The following EVC2 variants were observed in gnomAD, a reference collection of about 807,000 sequenced individuals.
EVC2 encodes the protein limbin.
A neutral mutation model predicts 149.3 loss-of-function variants in EVC2; 148 were observed. The observed-to-expected ratio is 0.99, with a 90% CI of 0.87 to 1.14. The LOEUF is 1.14. EVC2 is among the 50% of genes most tolerant of loss of function. The pLI is 0.00. For missense variants in EVC2, 1,854 were observed against 1,627.3 expected, an observed-to-expected ratio of 1.14 and a Z score of -2.40; for synonymous variants, 776 against 649.9, an observed-to-expected ratio of 1.19 and a Z score of -2.95.
chr4:5,568,314 TAA>T, intron 20 of EVC2, 128 bp downstream of exon 20: 1 of 976,604 alleles, frequency 1.0e-6, no homozygotes, highest in Non-Finnish European at 1.5e-6. Flanking sequence ...AGATTCTATT[TAA>T]AAAATAAATT....
chr4:5,601,908 C>G (rs1397252929), intron 16 of EVC2, among the ~76,000 whole-genome samples: 1 of 152,072 alleles, frequency 6.6e-6, no homozygotes, highest in Non-Finnish European at 1.5e-5. Context: ...GAGATGTACC[C>G]TGAAAGATGG....
At chr4:5,536,581 G>C in the EVC2 span, among the ~76,000 whole-genome samples, 1 of 152,064 alleles carries the variant, frequency 6.6e-6, no homozygotes, top group African/African-American at 2.4e-5. Flanking sequence ...TCAGGAGATC[G>C]AGACCATCTT....
At chr4:5,658,859 GGCTGGA>G (rs1163448055) in intron 9 of EVC2, among the ~76,000 whole-genome samples, 184 of 152,304 alleles carry the variant, frequency 1.2e-3, no homozygotes, top group Non-Finnish European at 3.4e-4. Context: ...CCCAGAGTAA[GGCTGGA>G]GCTAAAACAT....
In EVC2 at chr4:5,562,607, G is replaced by A; in HGVS notation, c.*241C>T. ...TGGGGGTCTCCTCCAGGGCCCTGGG[G>A]AGGTGGGGCTGAAAGAAGGAGTGTT... On this transcript the variant is annotated 3_prime_UTR_variant, in exon 22 of 22. Transcript: ENST00000344408. This position sits in a 1 kb window ranked among gnomAD's most constrained non-coding sequence, Gnocchi z 4.3. 1 of 1,395,014 alleles carries A rather than the reference G, an allele frequency of 7.2e-7. No homozygotes were observed. Among genetic ancestry groups the A allele is most frequent in the Non-Finnish European group, 9.3e-7 (1 of 1,075,522 alleles). 86.4% of individuals were successfully genotyped at this position (1,395,014 alleles called of 1,614,324 possible). A position where few individuals can be genotyped will look rare whatever the true frequency, so the allele number is the denominator to read the frequency against.
At chr4:5,615,892 T>C (rs922838929) in intron 15 of EVC2, among the ~76,000 whole-genome samples, 1 of 152,180 alleles carries the variant, frequency 6.6e-6, no homozygotes, top group Admixed American at 6.5e-5. Flanking sequence ...GGGGACGCTA[T>C]GAATGAGGTC....
downstream of EVC2, among the ~76,000 whole-genome samples, chr4:5,537,785 T>G (rs183564754): frequency 8.5e-5 from 13 of 152,260 alleles, no homozygotes; most frequent in Admixed American, 3.9e-4. Flanking sequence ...TGGATGTCAC[T>G]AACACATTTA....
In EVC2 at chr4:5,631,442, C is replaced by A. The variant is rs73198177; in HGVS notation, c.1710+351G>T. On this transcript the variant is annotated intron_variant, in intron 11 of 21. Transcript: ENST00000344408. ...TGTTATGCCAAGCACTAACTTTCCACGAGTCAGCTCATCAAATTTCCATCA... is the reference window on the plus strand; with the variant it reads ...TGTTATGCCAAGCACTAACTTTCCAAGAGTCAGCTCATCAAATTTCCATCA... 3.8e-3 allele frequency among the ~76,000 whole-genome samples: 572 copies of A among 152,274 alleles called. 3 individuals carry two copies. The highest frequency in any genetic ancestry group is 6.7e-3 in the Non-Finnish European group (453 of 68,016).
At chr4:5,621,072 G>A (rs1715651249) in intron 14 of EVC2, among the ~76,000 whole-genome samples, 1 of 152,196 alleles carries the variant, frequency 6.6e-6, no homozygotes, top group Non-Finnish European at 1.5e-5. Flanking sequence ...AGAGAGAGAT[G>A]GGAAAGGGCC....
intron 9 of EVC2, among the ~76,000 whole-genome samples, chr4:5,653,032 C>T (rs980379731): frequency 6.6e-5 from 10 of 152,162 alleles, no homozygotes; most frequent in Non-Finnish European, 7.3e-5. Context: ...CATGCCAGCT[C>T]GGTGTTGCCA....
intron 14 of EVC2, among the ~76,000 whole-genome samples, chr4:5,620,360 G>A (rs1461294613): frequency 6.6e-6 from 1 of 152,178 alleles, no homozygotes; most frequent in Non-Finnish European, 1.5e-5. Flanking sequence ...TAAGTGCCAA[G>A]AGAATACAGA....
At chr4:5,661,305 C>T (rs1718859411) in intron 9 of EVC2, among the ~76,000 whole-genome samples, 1 of 152,114 alleles carries the variant, frequency 6.6e-6, no homozygotes, top group Non-Finnish European at 1.5e-5. Context: ...AAATGAAGCC[C>T]AGCTTTGAAT....
chr4:5,669,215 A>C (rs1719474003), intron 7 of EVC2, among the ~76,000 whole-genome samples: 2 of 152,206 alleles, frequency 1.3e-5, no homozygotes. Context: ...GAGAAAATTA[A>C]ATTGTTGTAT....
In EVC2 at chr4:5,625,307, T is replaced by TACACACACACACAC. The variant is rs71171407; in HGVS notation, c.2046+428_2046+441dup. Among the ~76,000 whole-genome samples, 2 of 139,792 alleles carry TACACACACACACAC rather than the reference T, an allele frequency of 1.4e-5. No individual in the cohort carries two copies. The highest frequency in any genetic ancestry group is 3.2e-5 in the Non-Finnish European group (2 of 63,274). 91.7% of individuals were successfully genotyped at this position (139,792 alleles called of 152,430 possible). On this transcript the variant is annotated intron_variant, in intron 13 of 21. Transcript: ENST00000344408. This position sits in a 1 kb window ranked among gnomAD's most constrained non-coding sequence, Gnocchi z 4.0. ...CTTACTAGATATTTGACCTTGACCATACACACACACACACACACACACACA... is the reference window on the plus strand; with the variant it reads ...CTTACTAGATATTTGACCTTGACCATACACACACACACACACACACACACACACACACACACACA...
At chr4:5,594,526 G>C (rs958022912) in intron 16 of EVC2, among the ~76,000 whole-genome samples, 1 of 152,108 alleles carries the variant, frequency 6.6e-6, no homozygotes. Context: ...TCTGTTAGAA[G>C]GAAAACTAAC....
intron 13 of EVC2, among the ~76,000 whole-genome samples, chr4:5,623,891 TA>T (rs1715918497): frequency 6.6e-6 from 1 of 152,184 alleles, no homozygotes; most frequent in African/African-American, 2.4e-5. Flanking sequence ...GCGAGTTACT[TA>T]ATACACATAC....
At chr4:5,529,665 T>C in the EVC2 span, among the ~76,000 whole-genome samples, 1 of 152,190 alleles carries the variant, frequency 6.6e-6, no homozygotes, top group Non-Finnish European at 1.5e-5. This position sits in a 1 kb window ranked among gnomAD's most constrained non-coding sequence, Gnocchi z 4.5. Flanking sequence ...AGCTTAATAC[T>C]TAGGAATGTT....
At position 5,615,677 on chromosome 4, in the gene EVC2, G is replaced by C. The variant is rs115545101; in HGVS notation, c.2707-133C>G. The C allele has an allele frequency of 3.6e-4, 457 of 1,265,752 alleles. 1 individual carries two copies. The African/African-American group carries it at 5.9e-3, about 16-fold the overall frequency. 78.4% of individuals were successfully genotyped at this position (1,265,752 alleles called of 1,614,324 possible). ...CTGCAAAACTCTGCCTTAGGCCAGA[G>C]AGGGGAGGAGAGAGGTATGTTCTTC... is the stretch of plus-strand genomic sequence containing the variant. On this transcript the variant is annotated intron_variant, in intron 15 of 21. Transcript: ENST00000344408.
In EVC2 at chr4:5,663,110, T is replaced by C; in HGVS notation, c.1142A>G (p.Glu381Gly). 3 of 1,614,130 alleles carry C rather than the reference T, an allele frequency of 1.9e-6. No individual in the cohort carries two copies. The highest frequency in any genetic ancestry group is 2.5e-6 in the Non-Finnish European group (3 of 1,179,978). Residue 381 changes from glutamate to glycine, a missense_variant, in exon 9 of 22, where the codon GAA becomes GGA. By Grantham distance (98) the Glu-to-Gly change is moderately conservative (BLOSUM62 -2). Coordinates refer to ENST00000344408, the MANE Select transcript of EVC2 (RefSeq NM_147127.5). The stretch of plus-strand genomic sequence containing the variant: ...TAATGGGATTTAGAATTCTTACTCT[T>C]CTAAGGCTTGAAGCATGCTCCCAGG... ...EDPGSMLQAL[E>G]ELEIATLNRA... is the part of the protein sequence containing the mutation.
chr4:5,708,078 T>C (rs2151749719), intron 1 of EVC2: 1 of 440,740 alleles, frequency 2.3e-6, no homozygotes, highest in South Asian at 6.8e-5. Context: ...AGCCGGCAGC[T>C]GCCACACCCC....
Sources: gnomAD v4.1 joint callset for allele counts (sites outside exome capture counted in the v4.1 genomes callset) on GRCh38, gnomAD v4.1.1 for gene constraint, Gnocchi (gnomAD v3.1) non-coding constraint, MANE v1.5 for transcripts, NCBI Gene and HGNC (gene_info 2026-07-23, HGNC 2026-07-21) for gene names.